Variants in TOP2B observed in about 807,000 individuals in gnomAD.
TOP2B encodes the protein DNA topoisomerase II beta.
TOP2B carries 51 observed loss-of-function variants against 193.5 expected under a neutral mutation model. That is an observed-to-expected ratio of 0.26 (90% CI 0.21 to 0.33). The LOEUF is 0.33. Among genes scored for constraint, TOP2B ranks in the 10% least tolerant of loss-of-function variants. The pLI is 1.00. For synonymous variants in TOP2B, 634 were observed against 635.7 expected (o/e 1.00, Z 0.04); for missense variants, 1,378 against 1,909.3 (o/e 0.72, Z 5.19).
chr3:25,604,790 C>T lies in TOP2B; in HGVS notation c.4459G>A (p.Val1487Ile), dbSNP rs771023574. The T allele has an allele frequency of 1.2e-6, 2 of 1,612,746 alleles. No homozygotes were observed. Among genetic ancestry groups the T allele is most frequent in the Admixed American group, 3.3e-5 (2 of 59,942 alleles). Residue 1487 changes from valine (V) to isoleucine (I), a missense_variant, in exon 33 of 36, where the codon GTT (valine) becomes ATT (isoleucine). Physicochemically the swap from Val to Ile is conservative, Grantham distance 29. Coordinates refer to ENST00000264331, the MANE Select transcript of TOP2B (RefSeq NM_001330700.2). ...PSFGLKQTDK[V>I]PSKTVAAKKG... ...TTAGCAGCTACCGTTTTACTTGGAA[C>T]TTTATCTGTCTGTTTCAGACCAAAT...
At chr3:25,628,069 TAA>T (rs11444500) in intron 15 of TOP2B, among the ~76,000 whole-genome samples, 160 of 131,092 alleles carry the variant, frequency 1.2e-3, no homozygotes, top group Admixed American at 2.2e-3. Flanking sequence ...TAAAAACAAT[TAA>T]AAAAAAACGA....
intron 21 of TOP2B, among the ~76,000 whole-genome samples, chr3:25,621,407 G>A (rs1380690043): frequency 6.6e-6 from 1 of 152,046 alleles, no homozygotes; most frequent in African/African-American, 2.4e-5. Flanking sequence ...TGTCACCCAG[G>A]CTGGAGTGCC....
intron 28 of TOP2B, among the ~76,000 whole-genome samples, chr3:25,611,014 A>G (rs1301985774): frequency 6.6e-6 from 1 of 152,196 alleles, no homozygotes; most frequent in Non-Finnish European, 1.5e-5. Flanking sequence ...AACTGGGATA[A>G]GGCAAAGAAC....
intron 33 of TOP2B, among the ~76,000 whole-genome samples, chr3:25,602,498 TAAA>T (rs112030237): frequency 7.1e-6 from 1 of 140,598 alleles, no homozygotes; most frequent in Non-Finnish European, 1.5e-5. Context: ...AGACTTTGTT[TAAA>T]AAAAAAAAAA....
intron 9 of TOP2B, 28 bp from the exon 10 acceptor site, chr3:25,632,611 A>C (rs200710290): frequency 2.5e-5 from 40 of 1,601,872 alleles, no homozygotes; most frequent in Non-Finnish European, 3.2e-5. Flanking sequence ...AAAAAAGTCA[A>C]TATCAGAGCT....
intron 35 of TOP2B, 86 bp from the exon 36 acceptor site, chr3:25,598,563 G>A (rs1399791886): frequency 6.9e-6 from 7 of 1,016,172 alleles, no homozygotes; most frequent in Non-Finnish European, 9.5e-6. Context: ...CTTCGCTTAT[G>A]TTTAGGAAGT....
chr3:25,628,727 A>T lies in TOP2B; in HGVS notation c.1906+120T>A, dbSNP rs1702875465. The T allele has an allele frequency of 6.6e-6, 4 of 602,994 alleles. No homozygotes were observed. The East Asian group carries it at 1.2e-4, about 18-fold the overall frequency. The allele number at this position is 602,994 out of a possible 1,614,324, so 37.4% of individuals were successfully genotyped here. A position where few individuals can be genotyped will look rare whatever the true frequency, so the allele number is the denominator to read the frequency against. The stretch of plus-strand genomic sequence containing the variant: ...ACATTTTTCTATAACAATACTTTAA[A>T]ATCAGTGATAGCTATTTTCGAAGTC... On this transcript the variant is annotated intron_variant, in intron 15 of 35. Coordinates refer to ENST00000264331, the MANE Select transcript of TOP2B (RefSeq NM_001330700.2).
intron 7 of TOP2B, among the ~76,000 whole-genome samples, chr3:25,635,414 G>T (rs576933227): frequency 6.6e-6 from 1 of 152,164 alleles, no homozygotes; most frequent in African/African-American, 2.4e-5. Context: ...TTTGTAACAT[G>T]TATCAGATAA....
At chr3:25,661,428 G>T (rs1703907144) in intron 1 of TOP2B, among the ~76,000 whole-genome samples, 1 of 152,048 alleles carries the variant, frequency 6.6e-6, no homozygotes, top group Non-Finnish European at 1.5e-5. Flanking sequence ...GAATATTGTT[G>T]GGAAAAAGAT....
In TOP2B at chr3:25,632,634, T is replaced by G. The variant is rs184779446; in HGVS notation, c.1129-51A>C. The G allele has an allele frequency of 2.5e-6, 4 of 1,603,250 alleles. No homozygotes were observed. The African/African-American group carries it at 4.0e-5, about 16-fold the overall frequency. ...CAATATCAGAGCTGATATTTAGTAA[T>G]TCAGTATATATATAATGCATATGTA... On this transcript the variant is annotated intron_variant, in intron 9 of 35. Transcript: ENST00000264331.
At position 25,606,035 on chromosome 3, in the gene TOP2B, G is replaced by A; in HGVS notation, c.4378+8C>T. ...ACAATAACCAATGAAAAGACTAAATGAACATACCATCTTCTGACTTCTGAG... is the reference window on the plus strand; with the variant it reads ...ACAATAACCAATGAAAAGACTAAATAAACATACCATCTTCTGACTTCTGAG... On this transcript the variant is annotated splice_region_variant and intron_variant, in intron 32 of 35. Transcript: ENST00000264331. The A allele has an allele frequency of 1.4e-6, 2 of 1,444,752 alleles. No homozygotes were observed. Among genetic ancestry groups the A allele is most frequent in the South Asian group, 1.4e-5 (1 of 69,834 alleles). The allele number at this position is 1,444,752 out of a possible 1,614,324, so 89.5% of individuals were successfully genotyped here.
At chr3:25,641,807 T>G (rs1703271552) in intron 4 of TOP2B, among the ~76,000 whole-genome samples, 1 of 152,164 alleles carries the variant, frequency 6.6e-6, no homozygotes, top group African/African-American at 2.4e-5. Context: ...ACAGGATAAA[T>G]TTAACAGCTA....
intron 5 of TOP2B, among the ~76,000 whole-genome samples, 195 bp from the exon 6 acceptor site, chr3:25,637,507 T>G (rs1703137249): frequency 6.6e-6 from 1 of 152,034 alleles, no homozygotes; most frequent in South Asian, 2.1e-4. Flanking sequence ...GTATATATAG[T>G]AGTGTAATTA....
At chr3:25,664,122 G>C (rs958359202) in intron 1 of TOP2B, 107 bp downstream of exon 1, 53 of 1,488,228 alleles carry the variant, frequency 3.6e-5, no homozygotes, top group Admixed American at 6.0e-5. Flanking sequence ...GCGCCCGTTC[G>C]GGGGACGGGA....
intron 31 of TOP2B, among the ~76,000 whole-genome samples, chr3:25,606,470 T>C (rs1226286456): frequency 6.6e-6 from 1 of 152,058 alleles, no homozygotes; most frequent in Non-Finnish European, 1.5e-5. Flanking sequence ...CTACAGTTGA[T>C]AGAAATAACC....
At chr3:25,599,658 A>G in intron 34 of TOP2B, 129 bp from the exon 35 acceptor site, 3 of 792,546 alleles carry the variant, frequency 3.8e-6, no homozygotes, top group African/African-American at 1.7e-5. Context: ...ATCTCTTACT[A>G]TGAGTGATTA....
intron 33 of TOP2B, among the ~76,000 whole-genome samples, chr3:25,602,404 A>G (rs1181891739): frequency 1.1e-4 from 13 of 122,812 alleles, no homozygotes; most frequent in Admixed American, 7.5e-4. Flanking sequence ...CTCAAAAAAA[A>G]AAAAAGAAAA....
chr3:25,615,972 G>T, intron 25 of TOP2B: 1 of 153,838 alleles, frequency 6.5e-6, no homozygotes, highest in Non-Finnish European at 1.4e-5. Context: ...TGAACAATCT[G>T]AAATACAAAA....
At chr3:25,633,243 T>A (rs1703011649) in intron 8 of TOP2B, among the ~76,000 whole-genome samples, 1 of 152,118 alleles carries the variant, frequency 6.6e-6, no homozygotes, top group Non-Finnish European at 1.5e-5. Flanking sequence ...TCCTCAGGAA[T>A]GATAATTTGC....
Sources: gnomAD v4.1 joint callset for allele counts (sites outside exome capture counted in the v4.1 genomes callset) on GRCh38, gnomAD v4.1.1 for gene constraint, MANE v1.5 for transcripts, NCBI Gene and HGNC (gene_info 2026-07-23, HGNC 2026-07-21) for gene names.